The following TEF variants were observed in gnomAD, a reference collection of about 807,000 sequenced individuals.
The protein encoded by TEF is thyrotroph embryonic factor.
TEF carries 3 observed loss-of-function variants against 20.8 expected under a neutral mutation model. The ratio of observed to expected loss-of-function variants is 0.14; its 90% CI spans 0.07 to 0.37. The LOEUF (loss-of-function observed/expected upper bound fraction) is 0.37, where lower values mean the gene tolerates loss of function less well. TEF is among the 10% of genes least tolerant of loss of function. TEF has a pLI of 1.00. For synonymous variants in TEF, 180 were observed against 171.1 expected (o/e 1.05, Z -0.41); for missense variants, 296 against 397.9 (o/e 0.74, Z 2.18).
intron 1 of TEF, chr22:41,369,179 A>G: frequency 1.0e-6 from 1 of 985,354 alleles, no homozygotes. Context: ...GAGGATAACA[A>G]GGCCTTTGAA....
exon 1 of TEF, chr22:41,367,498 G>C (rs1362538882): frequency 6.5e-7 from 1 of 1,547,876 alleles, no homozygotes; most frequent in South Asian, 1.2e-5. Context: ...CTGCTGGGCT[G>C]TGTGAGCTGC....
chr22:41,387,265 G>A, intron 1 of TEF, 86 bp from the exon 2 acceptor site: 1 of 1,441,402 alleles, frequency 6.9e-7, no homozygotes, highest in Admixed American at 1.8e-5. Flanking sequence ...GAGAAAGATG[G>A]GCCAGGCCTG....
Position 41,398,133 on chromosome 22 carries a change from C to T in TEF, c.*2173C>T, listed in dbSNP as rs896044205. ...CTCTTTTCGAAATGCCCCTCTGAGT[C>T]AGGAGCCTGGTGGGGACAAGATGGA... On this transcript the variant is annotated 3_prime_UTR_variant, in exon 4 of 4. Coordinates refer to ENST00000266304, the MANE Select transcript of TEF (RefSeq NM_003216.4). 2.0e-5 allele frequency: 3 copies of T among 151,394 alleles called. No individual in the cohort carries two copies. Among genetic ancestry groups the T allele is most frequent in the African/African-American group, 2.4e-5 (1 of 41,154 alleles). The allele number at this position is 151,394 out of a possible 1,614,324, so 9.4% of individuals were successfully genotyped here.
chr22:41,369,206 C>T (rs372805988), intron 1 of TEF: 5 of 985,406 alleles, frequency 5.1e-6, no homozygotes, highest in Non-Finnish European at 4.8e-6. Context: ...CAGCAGCTGC[C>T]GGTCTCTGGC....
chr22:41,380,337 G>C (rs376896507), upstream of TEF, among the ~76,000 whole-genome samples: 1 of 152,086 alleles, frequency 6.6e-6, no homozygotes, highest in South Asian at 2.1e-4. Context: ...TGTACTTACA[G>C]TAGTGTCGGA....
In TEF at chr22:41,382,269, G is replaced by A. The variant is rs2037039935; in HGVS notation, c.157+68G>A. 7 of 1,089,470 alleles carry A rather than the reference G, an allele frequency of 6.4e-6. No individual in the cohort carries two copies. The East Asian group carries it at 2.4e-4, about 38-fold the overall frequency. The allele number at this position is 1,089,470 out of a possible 1,614,324, so 67.5% of individuals were successfully genotyped here. On this transcript the variant is annotated intron_variant, in intron 1 of 3. Transcript: ENST00000266304. ...TATACAGGGGCGGGGCCTCGTGAGG[G>A]CGGGGCCGGGGAGGCAGTGGGTCAG...
intron 2 of TEF, among the ~76,000 whole-genome samples, chr22:41,390,780 A>G (rs761294692): frequency 6.6e-6 from 1 of 152,178 alleles, no homozygotes; most frequent in Non-Finnish European, 1.5e-5. Context: ...GGCGTGAGCC[A>G]CTGCGCTCAG....
chr22:41,380,279 A>T (rs1390979133), upstream of TEF, among the ~76,000 whole-genome samples: 2 of 152,142 alleles, frequency 1.3e-5, no homozygotes, highest in Non-Finnish European at 2.9e-5. Context: ...CAGCTTCCCC[A>T]GTACCTGGGA....
At chr22:41,379,737 T>C (rs1170295128), upstream of TEF, among the ~76,000 whole-genome samples, 3 of 149,450 alleles carry the variant, frequency 2.0e-5, no homozygotes, top group Middle Eastern at 0.01. Context: ...CTACTAAAAA[T>C]ACAAAATTAG....
At chr22:41,369,524 T>C (rs1374248977) in intron 1 of TEF, among the ~76,000 whole-genome samples, 2 of 152,160 alleles carry the variant, frequency 1.3e-5, no homozygotes, top group African/African-American at 4.8e-5. Context: ...GGAAGAGGGC[T>C]GAAGAGCCAC....
chr22:41,385,098 T>G (rs2037081507), intron 1 of TEF, among the ~76,000 whole-genome samples: 1 of 152,146 alleles, frequency 6.6e-6, no homozygotes, highest in African/African-American at 2.4e-5. Flanking sequence ...GCCCTGTGGC[T>G]TATGCCTGTA....
upstream of TEF, among the ~76,000 whole-genome samples, chr22:41,379,294 CGCCATTTGCACTCCA>C (rs1253610613): frequency 6.6e-6 from 1 of 152,052 alleles, no homozygotes; most frequent in African/African-American, 2.4e-5. Context: ...ACCGAGATCC[CGCCATTTGCACTCCA>C]GCCTGGGCTA....
rs768300743 is a variant in TEF at position 41,387,421 on chromosome 22, C to T, written c.228C>T (p.Ala76=). 2.5e-6 allele frequency: 4 copies of T among 1,614,216 alleles called. No homozygotes were observed. The Admixed American group carries it at 6.7e-5, about 27-fold the overall frequency. Reference sequence around the variant, plus strand: ...CCGCCAGCACCATGGCTGTCTCAGCCTCCCTCATGCCACCCATCTGGGACA... The same window carrying T: ...CCGCCAGCACCATGGCTGTCTCAGCTTCCCTCATGCCACCCATCTGGGACA... ...AAAASTMAVS[A]SLMPPIWDKT... The change falls in exon 2 of 4, where the codon GCC becomes GCT. Residue 76 remains alanine (A), a synonymous_variant. Coordinates refer to ENST00000266304, the MANE Select transcript of TEF (RefSeq NM_003216.4).
At chr22:41,384,805 T>C (rs899951357) in intron 1 of TEF, among the ~76,000 whole-genome samples, 5 of 151,922 alleles carry the variant, frequency 3.3e-5, no homozygotes, top group African/African-American at 9.6e-5. Context: ...CAGGCTGGAG[T>C]GTAGTGGTAC....
Position 41,376,397 on chromosome 22 carries a change from C to A in TEF, c.67+8798C>A, listed in dbSNP as rs5751087. On this transcript the variant is annotated intron_variant, in intron 1 of 3. Coordinates refer to the TEF transcript ENST00000406644. ...GATTACAGGTGCCTGCCACCATGCC[C>A]GGCTAGTTTTCACAGAGATGGGGTT... Among the ~76,000 whole-genome samples, 5,218 of 152,212 alleles carry A rather than the reference C, an allele frequency of 0.034. 634 individuals are homozygous for A. The East Asian group carries it at 0.44, about 13-fold the overall frequency.
At chr22:41,373,024 G>A (rs1030702666) in intron 1 of TEF, among the ~76,000 whole-genome samples, 1 of 152,192 alleles carries the variant, frequency 6.6e-6, no homozygotes, top group Non-Finnish European at 1.5e-5. Context: ...CACCTGCAGA[G>A]CTTTGACGGT....
rs1442237583 is a variant in TEF at position 41,394,109 on chromosome 22, G to A, written c.489G>A (p.Glu163=). 5 of 1,613,992 alleles carry A rather than the reference G, an allele frequency of 3.1e-6. No homozygotes were observed. The highest frequency in any genetic ancestry group is 4.2e-6 in the Non-Finnish European group (5 of 1,180,020). ...ETVSSTESSL[E]KERETPSPID... ...TGTGTCTTTTAGAATCTTCCCTGGA[G>A]AAGGAGAGGGAGACTCCCAGTCCCA... The change falls in exon 3 of 4, where the codon GAG becomes GAA. Residue 163 remains glutamate (E), a synonymous_variant. Transcript: ENST00000266304.
intron 1 of TEF, 115 bp downstream of exon 1, chr22:41,382,316 G>T: frequency 2.1e-6 from 2 of 950,246 alleles, no homozygotes; most frequent in Non-Finnish European, 2.7e-6. Flanking sequence ...CCAGCGGAGG[G>T]GGATGGGGCC....
upstream of TEF, among the ~76,000 whole-genome samples, chr22:41,381,352 C>A (rs2145975309): frequency 6.6e-6 from 1 of 151,866 alleles, no homozygotes; most frequent in Admixed American, 6.7e-5. Flanking sequence ...CGTGCACCGC[C>A]CCGGGCCCCG....
Sources: allele counts gnomAD v4.1 joint callset (sites outside exome capture counted in the v4.1 genomes callset), GRCh38; gene constraint gnomAD v4.1.1; transcripts MANE v1.5; gene names NCBI Gene and HGNC (gene_info 2026-07-23, HGNC 2026-07-21).